Variants in HOXD3 observed in about 807,000 individuals in gnomAD.
The protein encoded by HOXD3 is homeobox protein Hox-D3.
A neutral mutation model predicts 32.8 loss-of-function variants in HOXD3; 13 were observed. The observed-to-expected ratio is 0.40, with a 90% confidence interval of 0.26 to 0.63. The LOEUF (loss-of-function observed/expected upper bound fraction) is 0.63, where lower values mean the gene tolerates loss of function less well. Among genes scored for constraint, HOXD3 ranks in the 20% least tolerant of loss-of-function variants. The pLI, the probability that HOXD3 is intolerant of heterozygous loss-of-function variation, is 0.44. For missense variants in HOXD3, 504 were observed against 577.1 expected (o/e 0.87, Z 1.30); for synonymous variants, 241 against 246.8 (o/e 0.98, Z 0.22).
chr2:176,169,075 C>T lies in HOXD3; in HGVS notation c.-40C>T. 3 of 1,558,820 alleles carry T rather than the reference C, an allele frequency of 1.9e-6. No individual in the cohort carries two copies. The highest frequency in any genetic ancestry group is 2.6e-6 in the Non-Finnish European group (3 of 1,150,586). Reference sequence around the variant, plus strand: ...CCGGCCCAGCTCTCTCAGGATTCAGCAGACATTGGAGGTGGCAGTGAAGGA... The same window carrying T: ...CCGGCCCAGCTCTCTCAGGATTCAGTAGACATTGGAGGTGGCAGTGAAGGA... On this transcript the variant is annotated 5_prime_UTR_variant, in exon 3 of 4. Coordinates refer to ENST00000683222, the MANE Select transcript of HOXD3 (RefSeq NM_006898.5).
chr2:176,166,965 G>A (rs1690991134), intron 2 of HOXD3, among the ~76,000 whole-genome samples: 1 of 152,240 alleles, frequency 6.6e-6, no homozygotes, highest in Admixed American at 6.5e-5. Context: ...TGATGACCAG[G>A]ATGGAAGCCA....
upstream of HOXD3, among the ~76,000 whole-genome samples, chr2:176,154,301 T>G (rs1690602203): frequency 6.6e-6 from 1 of 152,172 alleles, no homozygotes; most frequent in Admixed American, 6.5e-5. Context: ...TCGTTTTTCT[T>G]CTGCCTCTCC....
intron 2 of HOXD3, among the ~76,000 whole-genome samples, chr2:176,167,871 G>C (rs1253703470): frequency 6.6e-6 from 1 of 152,060 alleles, no homozygotes; most frequent in Non-Finnish European, 1.5e-5. Flanking sequence ...TGGATGTTAG[G>C]AACAGTAGAC....
intron 2 of HOXD3, among the ~76,000 whole-genome samples, chr2:176,166,596 A>G (rs1049659316): frequency 6.6e-6 from 1 of 152,244 alleles, no homozygotes; most frequent in Admixed American, 6.5e-5. Flanking sequence ...TTTGATATCC[A>G]GTAACTTTTA....
Position 176,171,500 on chromosome 2 carries a change from T to A in HOXD3, c.542-17T>A, listed in dbSNP as rs370548351. 6.3e-5 allele frequency: 98 copies of A among 1,561,100 alleles called. No individual in the cohort carries two copies. Among genetic ancestry groups the A allele is most frequent in the Non-Finnish European group, 7.6e-5 (88 of 1,152,548 alleles). The stretch of plus-strand genomic sequence containing the variant: ...ACCCACTCGCTCAGCGCCCTCCCTC[T>A]CTCCCTCCCTGCCCAGGAGAGAGCT... On this transcript the variant is annotated splice_polypyrimidine_tract_variant and intron_variant, in intron 3 of 3. Transcript: ENST00000683222.
intron 2 of HOXD3, among the ~76,000 whole-genome samples, chr2:176,166,535 G>C (rs1690975831): frequency 6.6e-6 from 1 of 152,212 alleles, no homozygotes; most frequent in South Asian, 2.1e-4. Flanking sequence ...TTCTTCAGCA[G>C]GGGGCAAACA....
At chr2:176,153,038 G>A, upstream of HOXD3, 1 of 1,086,182 alleles carries the variant, frequency 9.2e-7, no homozygotes, top group Non-Finnish European at 1.3e-6. Flanking sequence ...GGGCTCTAAG[G>A]TACTGTGGGG....
intron 2 of HOXD3, chr2:176,164,701 G>C (rs1574982232): frequency 6.6e-6 from 1 of 152,140 alleles, no homozygotes; most frequent in East Asian, 1.9e-4. Flanking sequence ...AGACCAGCTC[G>C]AGCACTAGCG....
At chr2:176,155,675 C>T (rs530312991), upstream of HOXD3, among the ~76,000 whole-genome samples, 2 of 152,180 alleles carry the variant, frequency 1.3e-5, no homozygotes, top group Non-Finnish European at 2.9e-5. Context: ...CATCTGAGAA[C>T]GTGCTTTGGA....
intron 1 of HOXD3, among the ~76,000 whole-genome samples, chr2:176,163,845 C>A (rs1213574986): frequency 2.0e-5 from 3 of 152,146 alleles, no homozygotes; most frequent in Non-Finnish European, 4.4e-5. Context: ...CACGTCCGGG[C>A]TCTCCCCTCC....
chr2:176,157,284 T>C (rs1309297190), upstream of HOXD3, among the ~76,000 whole-genome samples: 1 of 152,110 alleles, frequency 6.6e-6, no homozygotes, highest in Non-Finnish European at 1.5e-5. Flanking sequence ...AATAATTAAT[T>C]CAGCACGTCC....
At chr2:176,157,186 G>A (rs965963517), upstream of HOXD3, among the ~76,000 whole-genome samples, 1 of 152,196 alleles carries the variant, frequency 6.6e-6, no homozygotes, top group Non-Finnish European at 1.5e-5. Context: ...GCAGCCGGGG[G>A]AGGGCCTTTC....
intron 1 of HOXD3, among the ~76,000 whole-genome samples, chr2:176,159,492 GCCGC>G (rs1196862308): frequency 6.6e-6 from 1 of 152,218 alleles, no homozygotes. Flanking sequence ...TGTGCCTGAT[GCCGC>G]TGAGCAGAGC....
chr2:176,163,706 C>A lies in HOXD3; in HGVS notation c.-180-367C>A, dbSNP rs910164508. On this transcript the variant is annotated intron_variant, in intron 1 of 3. Transcript: ENST00000683222. ...TTCTGCACGGTCTCTCTCTTCTGCC[C>A]CTAGGAGAGTGTTTGGCTTCCGGGA... Among the ~76,000 whole-genome samples, 5 of 152,204 alleles carry A rather than the reference C, an allele frequency of 3.3e-5. No homozygotes were observed. In the South Asian group the frequency reaches 1.0e-3, roughly 32 times the overall value.
intron 1 of HOXD3, among the ~76,000 whole-genome samples, chr2:176,158,190 AAAT>A (rs1235050574): frequency 6.6e-6 from 1 of 152,160 alleles, no homozygotes; most frequent in Non-Finnish European, 1.5e-5. Flanking sequence ...GGAAGAGCTA[AAAT>A]AAACGCGAGA....
At chr2:176,158,687 CAAT>C (rs1690704538) in intron 1 of HOXD3, among the ~76,000 whole-genome samples, 1 of 152,206 alleles carries the variant, frequency 6.6e-6, no homozygotes, top group African/African-American at 2.4e-5. Context: ...TACATTCAAA[CAAT>C]AACACATTAA....
intron 1 of HOXD3, among the ~76,000 whole-genome samples, chr2:176,163,416 G>T (rs7591820): frequency 0.25 from 38,543 of 151,858 alleles, 5,283 homozygotes; most frequent in Non-Finnish European, 0.31. Context: ...GGGGTGGAAA[G>T]GATGTTTGTT....
chr2:176,158,076 C>T (rs1239837809), intron 1 of HOXD3, among the ~76,000 whole-genome samples: 1 of 152,222 alleles, frequency 6.6e-6, no homozygotes, highest in Non-Finnish European at 1.5e-5. Flanking sequence ...TTGCCTCTCC[C>T]CCCGCTCCTC....
intron 2 of HOXD3, among the ~76,000 whole-genome samples, chr2:176,168,490 C>A (rs1297625653): frequency 6.6e-6 from 1 of 152,020 alleles, no homozygotes; most frequent in Admixed American, 6.6e-5. Context: ...ATTGCTTGAA[C>A]CCAGAGGCGT....
Sources: allele counts gnomAD v4.1 joint callset (sites outside exome capture counted in the v4.1 genomes callset), GRCh38; gene constraint gnomAD v4.1.1; transcripts MANE v1.5; gene names NCBI Gene and HGNC (gene_info 2026-07-23, HGNC 2026-07-21).